SIGLEC1: variants seen among roughly 807,000 people sequenced by gnomAD.
The protein encoded by SIGLEC1 is sialoadhesin.
Under a neutral mutation model 148.0 loss-of-function variants are expected in SIGLEC1, and 132 were observed. That is an observed-to-expected ratio of 0.89 (90% CI 0.77 to 1.03). The LOEUF (loss-of-function observed/expected upper bound fraction) is 1.03, where lower values mean the gene tolerates loss of function less well. SIGLEC1 is among the 50% of genes least tolerant of loss of function. SIGLEC1 has a pLI of 0.00. For missense variants in SIGLEC1, 2,253 were observed against 2,271.4 expected (o/e 0.99, Z 0.16); for synonymous variants, 945 against 969.0 (o/e 0.98, Z 0.46).
Position 3,692,063 on chromosome 20 carries a change from G to A in SIGLEC1, c.4170C>T (p.Ser1390=), listed in dbSNP as rs201395126. The A allele has an allele frequency of 1.3e-4, 217 of 1,611,810 alleles. No individual in the cohort carries two copies. Among genetic ancestry groups the A allele is most frequent in the African/African-American group, 3.2e-4 (24 of 75,058 alleles). ...SHDGKVLATS[S]GVHSLASGTG... is the part of the protein sequence containing the mutation. The stretch of plus-strand genomic sequence containing the variant: ...TCCCTGATGCCAAGCTGTGGACCCC[G>A]CTGCTCGTGGCCAGCACCTTGCCAT... The change falls in exon 17 of 22, where the codon AGC becomes AGT. Residue 1390 remains serine (S), a synonymous_variant. Coordinates refer to ENST00000344754, the MANE Select transcript of SIGLEC1 (RefSeq NM_023068.4).
intron 18 of SIGLEC1, among the ~76,000 whole-genome samples, chr20:3,690,915 C>G (rs1186226127): frequency 6.6e-6 from 1 of 150,486 alleles, no homozygotes; most frequent in Admixed American, 6.6e-5. Context: ...ACTGCAACCT[C>G]CACCTCCCAG....
intron 7 of SIGLEC1, among the ~76,000 whole-genome samples, chr20:3,700,687 T>G (rs1600286906): frequency 8.1e-6 from 1 of 122,874 alleles, no homozygotes; most frequent in Admixed American, 9.9e-5. Flanking sequence ...TACTTTTCTT[T>G]TTTCTTTTTC....
intron 3 of SIGLEC1, 30 bp from the exon 4 acceptor site, chr20:3,706,070 C>G (rs1420958592): frequency 6.3e-7 from 1 of 1,593,086 alleles, no homozygotes; most frequent in Non-Finnish European, 8.6e-7. Context: ...TGCTCAGGAC[C>G]CGCTTTTGCC....
intron 7 of SIGLEC1, 34 bp downstream of exon 7, chr20:3,701,308 C>T: frequency 6.4e-7 from 1 of 1,562,108 alleles, no homozygotes; most frequent in Non-Finnish European, 8.7e-7. Context: ...CTCAGGCTCC[C>T]TCCACTCTCC....
chr20:3,706,020 T>A lies in SIGLEC1; in HGVS notation c.430A>T (p.Ile144Phe). Reference sequence around the variant, plus strand: ...TCGAGAAGCTCCACCGGGGAGGCAATGGTGGGCACCCTGGGCTCCTCTGAG... The same window carrying A: ...TCGAGAAGCTCCACCGGGGAGGCAAAGGTGGGCACCCTGGGCTCCTCTGAG... ...TVTEEPRVPT[I>F]ASPVELLEGT... is the part of the protein sequence containing the mutation. Residue 144 changes from isoleucine (I) to phenylalanine (F), a missense_variant, in exon 4 of 22, where the codon ATT becomes TTT. Physicochemically the swap from Ile to Phe is conservative, Grantham distance 21. Coordinates refer to ENST00000344754, the MANE Select transcript of SIGLEC1 (RefSeq NM_023068.4). The A allele has an allele frequency of 6.2e-7, 1 of 1,613,266 alleles. No individual in the cohort carries two copies. Among genetic ancestry groups the A allele is most frequent in the Non-Finnish European group, 8.5e-7 (1 of 1,179,806 alleles).
Position 3,692,634 on chromosome 20 carries a change from G to T in SIGLEC1, c.3917C>A (p.Ala1306Asp). 2 of 1,613,042 alleles carry T rather than the reference G, an allele frequency of 1.2e-6. No individual in the cohort carries two copies. The highest frequency in any genetic ancestry group is 1.7e-6 in the Non-Finnish European group (2 of 1,180,034). Residue 1306 changes from alanine to aspartate, a missense_variant, in exon 16 of 22, where the codon GCT becomes GAT. By Grantham distance (126) the Ala-to-Asp change is moderately radical (BLOSUM62 -2). Coordinates refer to ENST00000344754, the MANE Select transcript of SIGLEC1 (RefSeq NM_023068.4). Reference protein sequence around the residue: ...HNGRWLQEGPAASLSFLVATR... With the variant: ...HNGRWLQEGPDASLSFLVATR... ...GGCCACCAGGAATGAGAGTGAGGCA[G>T]CTGGACCCTCCTGCAGCCAACGACC...
chr20:3,703,487 A>G (rs1486460750), intron 5 of SIGLEC1, 36 bp from the exon 6 acceptor site: 1 of 1,540,140 alleles, frequency 6.5e-7, no homozygotes, highest in Non-Finnish European at 8.7e-7. Flanking sequence ...GGGGGGTCCC[A>G]GCCAACTTCC....
At chr20:3,711,851 G>A (rs1293711198) in intron 1 of SIGLEC1, among the ~76,000 whole-genome samples, 1 of 152,198 alleles carries the variant, frequency 6.6e-6, no homozygotes, top group African/African-American at 2.4e-5. Context: ...CGGACGAAGT[G>A]GTGATGGATG....
chr20:3,697,947 C>A lies in SIGLEC1; in HGVS notation c.1973G>T (p.Gly658Val). ...PSGGGCSTCGGCSPRMKVTKA... is the reference protein window; with the variant it reads ...PSGGGCSTCGVCSPRMKVTKA... ...GGTGACCTTCATGCGTGGGGAACAG[C>A]CCCCACAGGTGCTGCAGCCACCCCC... The change falls in exon 9 of 22, where the codon GGC becomes GTC. Residue 658 changes from glycine to valine, a missense_variant. Gly to Val is a moderately radical substitution (Grantham distance 109). Transcript: ENST00000344754. The A allele has an allele frequency of 1.9e-6, 3 of 1,612,714 alleles. No homozygotes were observed. Among genetic ancestry groups the A allele is most frequent in the Non-Finnish European group, 2.5e-6 (3 of 1,179,808 alleles).
chr20:3,691,162 G>A (rs779316168), intron 18 of SIGLEC1, among the ~76,000 whole-genome samples, 178 bp downstream of exon 18: 4 of 152,172 alleles, frequency 2.6e-5, no homozygotes, highest in African/African-American at 7.2e-5. Context: ...AGGATGAGGC[G>A]AATGATGTAT....
chr20:3,692,989 T>C lies in SIGLEC1; in HGVS notation c.3651A>G (p.Ala1217=). 6.2e-7 allele frequency: 1 copy of C among 1,612,398 alleles called. No homozygotes were observed. The highest frequency in any genetic ancestry group is 8.5e-7 in the Non-Finnish European group (1 of 1,179,808). The change falls in exon 15 of 22, where the codon GCA becomes GCG. Residue 1217 remains alanine, a synonymous_variant. Coordinates refer to ENST00000344754, the MANE Select transcript of SIGLEC1 (RefSeq NM_023068.4). ...HAGRLLASST[A]ASVPNTLRLE... is the part of the protein sequence containing the mutation. ...GGCGCAGGGTGTTGGGGACAGAGGC[T>C]GCTGTCGAGGAGGCCAAGAGGCGAC...
intron 3 of SIGLEC1, 136 bp from the exon 4 acceptor site, chr20:3,706,176 C>A: frequency 7.8e-7 from 1 of 1,278,344 alleles, no homozygotes; most frequent in Non-Finnish European, 1.1e-6. Flanking sequence ...ACTCCAGCCC[C>A]ACTTGGGTGA....
rs200479364 is a variant in SIGLEC1 at position 3,703,849 on chromosome 20, G to C, written c.949C>G (p.Pro317Ala). 2 of 1,614,032 alleles carry C rather than the reference G, an allele frequency of 1.2e-6. No individual in the cohort carries two copies. The highest frequency in any genetic ancestry group is 1.7e-6 in the Non-Finnish European group (2 of 1,180,014). The change falls in exon 5 of 22, where the codon CCC becomes GCC. Residue 317 changes from proline to alanine, a missense_variant. Coordinates refer to ENST00000344754, the MANE Select transcript of SIGLEC1 (RefSeq NM_023068.4). The part of the protein sequence containing the change: ...AENGVGSLVS[P>A]PISLHIFMAE... ...CTGAAGATGTGGAGGCTGATGGGGG[G>C]TGAGACCAAAGAGCCCACGCCGTTC...
Position 3,707,173 on chromosome 20 carries a change from AC to A in SIGLEC1, c.-46del, listed in dbSNP as rs1363164836. The stretch of plus-strand genomic sequence containing the variant: ...CCTGTTGCCTAAGAGGGTGGTGCGC[AC>A]TGCGCTGGCTGGGCTCACAGGGGCC... On this transcript the variant is annotated 5_prime_UTR_variant, in exon 2 of 22. In the 5' UTR this introduces an upstream ATG that the reference lacks. Transcript: ENST00000344754. The A allele has an allele frequency of 2.5e-6, 4 of 1,596,886 alleles. No individual in the cohort carries two copies. In the East Asian group the frequency reaches 8.9e-5, roughly 36 times the overall value.
Position 3,694,690 on chromosome 20 carries a change from C to G in SIGLEC1, c.2917G>C (p.Ala973Pro). The G allele has an allele frequency of 6.2e-7, 1 of 1,613,756 alleles. No individual in the cohort carries two copies. Among genetic ancestry groups the G allele is most frequent in the South Asian group, 1.1e-5 (1 of 91,052 alleles). ...GACACGTGGAGGCTGATGGGTGCAG[C>G]TAGGCTCGTGGTGGCTGAGCCTGGG... is the stretch of plus-strand genomic sequence containing the variant. ...QAPGSATTSL[A>P]APISLHVSYA... Residue 973 changes from alanine to proline, a missense_variant, in exon 12 of 22, where the codon GCT becomes CCT. Physicochemically the swap from Ala to Pro is conservative, Grantham distance 27. Transcript: ENST00000344754.
intron 4 of SIGLEC1, 62 bp downstream of exon 4, chr20:3,705,682 C>G: frequency 2.0e-6 from 3 of 1,521,710 alleles, no homozygotes; most frequent in Non-Finnish European, 1.8e-6. Flanking sequence ...TGGAGAGGGG[C>G]TGGTTTCTGT....
At chr20:3,695,597 A>C (rs1199994510) in intron 11 of SIGLEC1, among the ~76,000 whole-genome samples, 1 of 152,196 alleles carries the variant, frequency 6.6e-6, no homozygotes, top group Non-Finnish European at 1.5e-5. Context: ...CACAGCTAGC[A>C]GGGTCATGCA....
chr20:3,710,477 C>A lies in SIGLEC1; in HGVS notation c.-110+1993G>T, dbSNP rs2087922033. 6.6e-6 allele frequency among the ~76,000 whole-genome samples: 1 copy of A among 152,224 alleles called. No individual in the cohort carries two copies. The highest frequency in any genetic ancestry group is 1.9e-4 in the East Asian group (1 of 5,196). ...AGTTCTCTAGGAAGCCCTAGGCCTCCTCCTCTTCTGGGAAGATGCACCCCC... is the reference window on the plus strand; with the variant it reads ...AGTTCTCTAGGAAGCCCTAGGCCTCATCCTCTTCTGGGAAGATGCACCCCC... On this transcript the variant is annotated intron_variant, in intron 1 of 21. Transcript: ENST00000344754. This position sits in a 1 kb window ranked among gnomAD's most constrained non-coding sequence, Gnocchi z 4.6.
At position 3,690,269 on chromosome 20, in the gene SIGLEC1, G is replaced by A; in HGVS notation, c.4592-5C>T. ...TGGTGGGCGTCTTGGGAGGGTCTGT[G>A]GGGAGGAAGGGAGTGTGGTGATTGC... is the stretch of plus-strand genomic sequence containing the variant. On this transcript the variant is annotated splice_region_variant and splice_polypyrimidine_tract_variant and intron_variant, in intron 18 of 21. Coordinates refer to ENST00000344754, the MANE Select transcript of SIGLEC1 (RefSeq NM_023068.4). 1 of 1,536,232 alleles carries A rather than the reference G, an allele frequency of 6.5e-7. No individual in the cohort carries two copies. Among genetic ancestry groups the A allele is most frequent in the Non-Finnish European group, 8.8e-7 (1 of 1,139,596 alleles).
Sources: gnomAD v4.1 joint callset for allele counts (sites outside exome capture counted in the v4.1 genomes callset) on GRCh38, gnomAD v4.1.1 for gene constraint, Gnocchi (gnomAD v3.1) non-coding constraint, MANE v1.5 for transcripts, NCBI Gene and HGNC (gene_info 2026-07-23, HGNC 2026-07-21) for gene names.